SIAH3: variants seen among roughly 807,000 people sequenced by gnomAD.
SIAH3 encodes seven in absentia homolog 3.
A neutral mutation model predicts 12.6 loss-of-function variants in SIAH3; 9 were observed. That is an observed-to-expected ratio of 0.72 (90% CI 0.43 to 1.25). The LOEUF (loss-of-function observed/expected upper bound fraction) is 1.25. SIAH3 is among the 50% of genes most tolerant of loss of function. SIAH3 has a pLI of 0.00. For synonymous variants in SIAH3, 154 were observed against 151.1 expected (o/e 1.02, Z -0.14); for missense variants, 390 against 365.4 (o/e 1.07, Z -0.55).
chr13:45,829,254 T>C (rs1212334524), intron 1 of SIAH3, among the ~76,000 whole-genome samples: 6 of 152,170 alleles, frequency 3.9e-5, no homozygotes, highest in Admixed American at 3.9e-4. Flanking sequence ...ATCTCAACTG[T>C]GCAGCTTGGT....
chr13:45,833,381 T>C (rs1308790484), intron 1 of SIAH3, among the ~76,000 whole-genome samples: 1 of 152,136 alleles, frequency 6.6e-6, no homozygotes, highest in Non-Finnish European at 1.5e-5. Context: ...CTGGACCCAG[T>C]CAACCACCCT....
chr13:45,819,334 C>G (rs149646246), intron 1 of SIAH3, among the ~76,000 whole-genome samples: 1 of 152,094 alleles, frequency 6.6e-6, no homozygotes, highest in Admixed American at 6.5e-5. Flanking sequence ...ATGGGAGGAG[C>G]GTTTAAGGAA....
intron 1 of SIAH3, among the ~76,000 whole-genome samples, chr13:45,785,445 C>T (rs552720438): frequency 5.3e-4 from 68 of 129,088 alleles, no homozygotes; most frequent in African/African-American, 1.7e-3. Flanking sequence ...CTGTTGCTGC[C>T]AGAGTTTCTA....
At chr13:45,790,596 C>G (rs1950542827) in intron 1 of SIAH3, among the ~76,000 whole-genome samples, 1 of 152,228 alleles carries the variant, frequency 6.6e-6, no homozygotes, top group African/African-American at 2.4e-5. Flanking sequence ...AGGACAGGGA[C>G]TAATTGTTCG....
intron 1 of SIAH3, among the ~76,000 whole-genome samples, chr13:45,790,638 T>C (rs1446893113): frequency 6.6e-6 from 1 of 152,238 alleles, no homozygotes; most frequent in African/African-American, 2.4e-5. Flanking sequence ...GTGCCCGACA[T>C]GCAATGTATG....
intron 1 of SIAH3, among the ~76,000 whole-genome samples, chr13:45,837,763 G>A (rs1340363327): frequency 3.3e-5 from 5 of 152,148 alleles, no homozygotes; most frequent in Admixed American, 3.3e-4. Context: ...ATTATTACAG[G>A]CAAGGTAAAC....
In SIAH3 at chr13:45,783,738, G is replaced by A. The variant is rs752188051; in HGVS notation, c.455C>T (p.Ala152Val). 6.8e-6 allele frequency: 11 copies of A among 1,614,046 alleles called. No homozygotes were observed. The highest frequency in any genetic ancestry group is 2.2e-5 in the East Asian group (1 of 44,894). ...GTGCATGATGATCCAATCAGCCGGC[G>A]CGGGGAGGTGCATGTCCGTGGCCAG... is the stretch of plus-strand genomic sequence containing the variant. ...VFLATDMHLPAPADWIIMHSC... is the reference protein window; with the variant it reads ...VFLATDMHLPVPADWIIMHSC... Residue 152 changes from alanine (A) to valine (V), a missense_variant, in exon 2 of 2, where the codon GCG (alanine) becomes GTG (valine). Coordinates refer to ENST00000400405, the MANE Select transcript of SIAH3 (RefSeq NM_198849.3).
At chr13:45,841,109 C>T (rs1025752516) in intron 1 of SIAH3, among the ~76,000 whole-genome samples, 5 of 152,176 alleles carry the variant, frequency 3.3e-5, no homozygotes, top group Non-Finnish European at 1.5e-5. Flanking sequence ...GCTGCCTTGG[C>T]CTAGTATAAG....
chr13:45,801,045 G>A (rs186172942), intron 1 of SIAH3, among the ~76,000 whole-genome samples: 69 of 141,902 alleles, frequency 4.9e-4, no homozygotes, highest in Non-Finnish European at 9.0e-4. Context: ...ATCAGCATAT[G>A]CCTGTGAAGC....
chr13:45,840,061 C>T (rs973469997), intron 1 of SIAH3, among the ~76,000 whole-genome samples: 6 of 152,154 alleles, frequency 3.9e-5, no homozygotes, highest in African/African-American at 7.2e-5. Flanking sequence ...AGTTCGAGAC[C>T]AGCCTGGCCA....
intron 1 of SIAH3, among the ~76,000 whole-genome samples, chr13:45,845,278 C>T (rs1415217688): frequency 6.6e-6 from 1 of 150,742 alleles, no homozygotes; most frequent in Non-Finnish European, 1.5e-5. Context: ...GTTAAAAACG[C>T]TGAAACTTCC....
intron 1 of SIAH3, among the ~76,000 whole-genome samples, chr13:45,792,889 G>A (rs1005330025): frequency 3.3e-5 from 5 of 152,184 alleles, no homozygotes; most frequent in Admixed American, 1.3e-4. Flanking sequence ...GTGTGCTAAT[G>A]AGTCTAATCA....
intron 1 of SIAH3, among the ~76,000 whole-genome samples, chr13:45,800,902 G>A (rs9567577): frequency 6.6e-6 from 1 of 152,098 alleles, no homozygotes; most frequent in African/African-American, 2.4e-5. Flanking sequence ...CTTTGTGGGC[G>A]ACCTCTCCTG....
chr13:45,806,144 G>A lies in SIAH3; in HGVS notation c.136-22087C>T, dbSNP rs542299715. On this transcript the variant is annotated intron_variant, in intron 1 of 1. Transcript: ENST00000400405. ...AAATGTAAATTAGTTCAGCCACTGTGGAAAGCAGTTTGGAGATTTCTCAAA... is the reference window on the plus strand; with the variant it reads ...AAATGTAAATTAGTTCAGCCACTGTAGAAAGCAGTTTGGAGATTTCTCAAA... Among the ~76,000 whole-genome samples, 79 of 152,278 alleles carry A rather than the reference G, an allele frequency of 5.2e-4. 1 individual carries two copies. In the Middle Eastern group the frequency reaches 0.01, roughly 20 times the overall value.
chr13:45,850,812 A>G (rs898839853), intron 1 of SIAH3, among the ~76,000 whole-genome samples: 2 of 152,068 alleles, frequency 1.3e-5, no homozygotes, highest in African/African-American at 4.8e-5. Flanking sequence ...CAGCGGCGGC[A>G]GCAGCTAGAA....
At position 45,814,307 on chromosome 13, in the gene SIAH3, G is replaced by T. The variant is rs111594028; in HGVS notation, c.136-30250C>A. Among the ~76,000 whole-genome samples the T allele has an allele frequency of 1.0e-3, 152 of 151,262 alleles. 4 individuals carry two copies. In the East Asian group the frequency reaches 0.022, roughly 22 times the overall value. On this transcript the variant is annotated intron_variant, in intron 1 of 1. Transcript: ENST00000400405. ...CATCTATTCAAGAAGTGTTTTTGGAGTATAGTCCCCAGGGAGCCGACAATT... is the reference window on the plus strand; with the variant it reads ...CATCTATTCAAGAAGTGTTTTTGGATTATAGTCCCCAGGGAGCCGACAATT...
intron 1 of SIAH3, among the ~76,000 whole-genome samples, chr13:45,788,785 T>A (rs1310187977): frequency 1.3e-5 from 2 of 152,222 alleles, no homozygotes; most frequent in Non-Finnish European, 2.9e-5. Flanking sequence ...AACAGTGCCA[T>A]GCATTTTAGC....
intron 1 of SIAH3, among the ~76,000 whole-genome samples, chr13:45,841,758 A>T (rs1950740891): frequency 6.6e-6 from 1 of 152,154 alleles, no homozygotes; most frequent in African/African-American, 2.4e-5. Flanking sequence ...GTCTGGGATA[A>T]TGGCTGCAAG....
chr13:45,813,915 T>G (rs1950624836), intron 1 of SIAH3, among the ~76,000 whole-genome samples: 1 of 152,094 alleles, frequency 6.6e-6, no homozygotes, highest in Non-Finnish European at 1.5e-5. Context: ...GGGTTAAGAT[T>G]TCAATATATG....
Sources: gnomAD v4.1 joint callset for allele counts (sites outside exome capture counted in the v4.1 genomes callset) on GRCh38, gnomAD v4.1.1 for gene constraint, MANE v1.5 for transcripts, NCBI Gene and HGNC (gene_info 2026-07-23, HGNC 2026-07-21) for gene names.